GARNL3: variants seen among roughly 807,000 people sequenced by gnomAD.
GARNL3 encodes GTPase-activating Rap/Ran-GAP domain-like protein 3.
In GARNL3, 63 loss-of-function variants were observed where a neutral mutation model predicts 125.0. That is an observed-to-expected ratio of 0.50 (90% CI 0.41 to 0.62). The LOEUF (loss-of-function observed/expected upper bound fraction) is 0.62. Among genes scored for constraint, GARNL3 ranks in the 20% least tolerant of loss-of-function variants. GARNL3 has a pLI of 0.00. For missense variants in GARNL3, 994 were observed against 1,244.0 expected, an observed-to-expected ratio of 0.80 and a Z score of 3.02; for synonymous variants, 439 against 457.5, an observed-to-expected ratio of 0.96 and a Z score of 0.52.
chr9:127,290,200 G>A (rs956963633), intron 1 of GARNL3, among the ~76,000 whole-genome samples: 1 of 152,162 alleles, frequency 6.6e-6, no homozygotes, highest in African/African-American at 2.4e-5. Flanking sequence ...ACCAGATACT[G>A]TTTCTATATT....
intron 1 of GARNL3, among the ~76,000 whole-genome samples, chr9:127,265,579 T>C (rs1236823528): frequency 6.6e-6 from 1 of 152,214 alleles, no homozygotes; most frequent in Non-Finnish European, 1.5e-5. Flanking sequence ...TGTGCTATGA[T>C]TTTTAAAATT....
chr9:127,279,963 A>T (rs1487222496), intron 1 of GARNL3, among the ~76,000 whole-genome samples: 1 of 152,108 alleles, frequency 6.6e-6, no homozygotes, highest in Non-Finnish European at 1.5e-5. Context: ...TTATCTTATA[A>T]AGCTCTGCTG....
chr9:127,370,965 T>G (rs1350287406), intron 22 of GARNL3, among the ~76,000 whole-genome samples: 1 of 152,170 alleles, frequency 6.6e-6, no homozygotes, highest in African/African-American at 2.4e-5. Context: ...CAAGGGCACC[T>G]CGGACTCAAC....
At chr9:127,360,759 G>A (rs559110027) in intron 21 of GARNL3, among the ~76,000 whole-genome samples, 2 of 152,258 alleles carry the variant, frequency 1.3e-5, no homozygotes, top group South Asian at 4.1e-4. Flanking sequence ...GGCAGGCCTC[G>A]CTTCCTGCTC....
chr9:127,377,824 A>G (rs948246127), intron 22 of GARNL3, among the ~76,000 whole-genome samples: 6 of 151,358 alleles, frequency 4.0e-5, no homozygotes, highest in Non-Finnish European at 7.4e-5. Flanking sequence ...TGCAGAATCC[A>G]TGAACAAAGT....
At chr9:127,319,889 G>C (rs1414878971) in intron 5 of GARNL3, among the ~76,000 whole-genome samples, 1 of 152,168 alleles carries the variant, frequency 6.6e-6, no homozygotes, top group Non-Finnish European at 1.5e-5. Context: ...TACCCTCATA[G>C]CTGGAGCAAG....
At chr9:127,340,773 G>A (rs549830045) in intron 13 of GARNL3, among the ~76,000 whole-genome samples, 1 of 151,666 alleles carries the variant, frequency 6.6e-6, no homozygotes. Context: ...TCCAGTACTG[G>A]CCCAAGCCAG....
intron 22 of GARNL3, among the ~76,000 whole-genome samples, chr9:127,382,026 C>T (rs1047011730): frequency 3.9e-5 from 6 of 152,154 alleles, no homozygotes; most frequent in African/African-American, 1.4e-4. Flanking sequence ...TTCAGGCCAG[C>T]TCGGTGGCTC....
At chr9:127,236,045 G>T (rs2063107110) in intron 1 of GARNL3, among the ~76,000 whole-genome samples, 1 of 152,178 alleles carries the variant, frequency 6.6e-6, no homozygotes, top group Non-Finnish European at 1.5e-5. Context: ...ATTCATGGAG[G>T]ATATGACAGC....
At chr9:127,382,324 T>C (rs565538807) in intron 22 of GARNL3, among the ~76,000 whole-genome samples, 2 of 151,954 alleles carry the variant, frequency 1.3e-5, no homozygotes, top group South Asian at 2.1e-4. Context: ...ATAATAATAA[T>C]AACTCCATCT....
chr9:127,317,143 C>T (rs193234915), intron 4 of GARNL3, among the ~76,000 whole-genome samples: 6 of 152,218 alleles, frequency 3.9e-5, no homozygotes, highest in African/African-American at 7.2e-5. Context: ...GTGGTGTGGA[C>T]GGGAGACTGA....
In GARNL3 at chr9:127,310,244, CA is replaced by C. The variant is rs575426935; in HGVS notation, c.220-1388del. 1.2e-4 allele frequency among the ~76,000 whole-genome samples: 18 copies of C among 151,858 alleles called. No homozygotes were observed. The East Asian group carries it at 3.1e-3, about 26-fold the overall frequency. On this transcript the variant is annotated intron_variant, in intron 2 of 27. Coordinates refer to ENST00000373387, the MANE Select transcript of GARNL3 (RefSeq NM_032293.5). ...GGGGGAATTTTTTATAGTAATTAAGCAAAAGCCATAAAGGGAAAAAAATGAA... is the reference window on the plus strand; with the variant it reads ...GGGGGAATTTTTTATAGTAATTAAGCAAAGCCATAAAGGGAAAAAAATGAA...
intron 7 of GARNL3, among the ~76,000 whole-genome samples, chr9:127,329,042 C>T (rs72766256): frequency 0.041 from 6,265 of 152,198 alleles, 183 homozygotes; most frequent in Non-Finnish European, 0.063. Flanking sequence ...ATATTATCTG[C>T]GACAGTCCAC....
chr9:127,264,426 A>G, upstream of GARNL3: 1 of 752,318 alleles, frequency 1.3e-6, no homozygotes, highest in Non-Finnish European at 1.6e-6. Flanking sequence ...TAAAAATCCT[A>G]AATTAAAGGG....
chr9:127,302,947 C>G (rs879456509), intron 2 of GARNL3, among the ~76,000 whole-genome samples: 25 of 152,206 alleles, frequency 1.6e-4, no homozygotes, highest in Non-Finnish European at 3.2e-4. Context: ...GTCAGGAGAT[C>G]GAGACCATCC....
intron 23 of GARNL3, 146 bp downstream of exon 23, chr9:127,383,691 T>C (rs1241136514): frequency 1.8e-6 from 1 of 547,716 alleles, no homozygotes; most frequent in Non-Finnish European, 3.2e-6. Context: ...GCGTTCTTTT[T>C]CTTTTTCTTT....
chr9:127,280,724 G>A lies in GARNL3; in HGVS notation c.145-10444G>A, dbSNP rs1041421125. On this transcript the variant is annotated intron_variant, in intron 1 of 27. Coordinates refer to ENST00000373387, the MANE Select transcript of GARNL3 (RefSeq NM_032293.5). This position sits in a 1 kb window ranked among gnomAD's most constrained non-coding sequence, Gnocchi z 4.5. ...TTTTACTGGGAAATGGAGTATCAGG[G>A]ACTACTGTTCAGATATGATTTTAAT... is the stretch of plus-strand genomic sequence containing the variant. Among the ~76,000 whole-genome samples the A allele has an allele frequency of 2.6e-5, 4 of 152,220 alleles. No individual in the cohort carries two copies. Among genetic ancestry groups the A allele is most frequent in the African/African-American group, 9.6e-5 (4 of 41,456 alleles).
chr9:127,246,310 G>A (rs1001147933), intron 2 of GARNL3, among the ~76,000 whole-genome samples: 4 of 152,198 alleles, frequency 2.6e-5, no homozygotes, highest in African/African-American at 9.7e-5. Flanking sequence ...GTTCTGATGA[G>A]CAACAGGAAT....
chr9:127,348,971 G>T lies in GARNL3; in HGVS notation c.1479G>T (p.Val493=). Residue 493 remains valine (V), a synonymous_variant, in exon 17 of 28, where the codon GTG becomes GTT. Transcript: ENST00000373387. ...GCAGTAATTTCCCTCATGAAGCCGT[G>T]TGTGCAGATCCCTGGGGCCAGGCCT... ...CFCSNFPHEA[V]CADPWGQALL... 1.2e-5 allele frequency: 20 copies of T among 1,613,990 alleles called. No individual in the cohort carries two copies. The highest frequency in any genetic ancestry group is 1.6e-5 in the Non-Finnish European group (19 of 1,179,986).
Sources: allele counts gnomAD v4.1 joint callset (sites outside exome capture counted in the v4.1 genomes callset), GRCh38; gene constraint gnomAD v4.1.1; non-coding constraint Gnocchi (gnomAD v3.1); transcripts MANE v1.5; gene names NCBI Gene and HGNC (gene_info 2026-07-23, HGNC 2026-07-21).